NBEA: variants seen among roughly 807,000 people sequenced by gnomAD.
NBEA encodes the protein lysosomal-trafficking regulator 2.
In NBEA, 44 loss-of-function variants were observed where a neutral mutation model predicts 343.4. That is an observed-to-expected ratio of 0.13 (90% CI 0.10 to 0.16). The LOEUF is 0.16. Ranked by LOEUF, NBEA falls within the 10% of genes least tolerant of loss-of-function variation. The pLI, the probability that NBEA is intolerant of heterozygous loss-of-function variation, is 1.00. For synonymous variants in NBEA, 1,175 were observed against 1,238.7 expected, an observed-to-expected ratio of 0.95 and a Z score of 1.08; for missense variants, 2,555 against 3,631.3, an observed-to-expected ratio of 0.70 and a Z score of 7.62.
intron 8 of NBEA, among the ~76,000 whole-genome samples, chr13:35,065,219 G>A (rs2063607963): frequency 6.6e-6 from 1 of 151,814 alleles, no homozygotes; most frequent in Non-Finnish European, 1.5e-5. Flanking sequence ...ATACTTGAAA[G>A]CCATTTTGCC....
intron 58 of NBEA, among the ~76,000 whole-genome samples, chr13:35,670,232 C>T (rs200128610): frequency 6.6e-6 from 1 of 152,034 alleles, no homozygotes; most frequent in East Asian, 1.9e-4. Context: ...GAGGAATATC[C>T]CTGAAAAAGA....
At chr13:35,200,506 CTG>C (rs1018599893) in intron 31 of NBEA, among the ~76,000 whole-genome samples, 1 of 147,210 alleles carries the variant, frequency 6.8e-6, no homozygotes, top group Non-Finnish European at 1.5e-5. Flanking sequence ...ACATTTTTAA[CTG>C]TTAGTATGTT....
chr13:35,324,596 AAC>A (rs1381605264), intron 36 of NBEA, among the ~76,000 whole-genome samples: 3 of 152,218 alleles, frequency 2.0e-5, no homozygotes, highest in Non-Finnish European at 2.9e-5. Context: ...ATACTTAGAA[AAC>A]ACTCATTATG....
In NBEA at chr13:35,555,086, C is replaced by T. The variant is rs772264772; in HGVS notation, c.6906C>T (p.Phe2302=). ...TTTCAAACTTCGAATATTTGATGTT[C>T]CTTAATACTATTGCAGGTAAGATGT... is the stretch of plus-strand genomic sequence containing the variant. The part of the protein sequence containing the change: ...REISNFEYLM[F]LNTIAGRTYN... Residue 2302 remains phenylalanine, a synonymous_variant, in exon 44 of 59, where the codon TTC becomes TTT. Transcript: ENST00000379939. 1 of 1,587,756 alleles carries T rather than the reference C, an allele frequency of 6.3e-7. No individual in the cohort carries two copies. The highest frequency in any genetic ancestry group is 1.1e-5 in the South Asian group (1 of 89,862).
chr13:35,480,835 C>T (rs9544427), intron 41 of NBEA, among the ~76,000 whole-genome samples: 58,556 of 151,562 alleles, frequency 0.39, 11,577 homozygotes, highest in East Asian at 0.67. Context: ...TTTCTGGTAA[C>T]CTAATTTGAT....
intron 1 of NBEA, among the ~76,000 whole-genome samples, chr13:34,985,220 C>T (rs1210934347): frequency 1.3e-5 from 2 of 150,802 alleles, no homozygotes; most frequent in Non-Finnish European, 1.5e-5. Context: ...TCCATTAATA[C>T]CTATTTTATT....
At chr13:35,539,671 C>CT (rs11452100) in intron 41 of NBEA, among the ~76,000 whole-genome samples, 96,301 of 151,094 alleles carry the variant, frequency 0.64, 35,145 homozygotes, top group Non-Finnish European at 0.81. Context: ...AATACCAGCA[C>CT]TTTGGGAGGC....
chr13:35,334,924 T>C (rs1436494458), intron 36 of NBEA, among the ~76,000 whole-genome samples: 1 of 152,212 alleles, frequency 6.6e-6, no homozygotes, highest in Non-Finnish European at 1.5e-5. Flanking sequence ...CAAGAAATCA[T>C]TGGCCTGACC....
chr13:35,494,997 T>C (rs771018521), intron 41 of NBEA, among the ~76,000 whole-genome samples: 2 of 151,180 alleles, frequency 1.3e-5, no homozygotes, highest in Non-Finnish European at 3.0e-5. Context: ...GACAACAGAG[T>C]GAGACTCTGT....
intron 44 of NBEA, among the ~76,000 whole-genome samples, chr13:35,555,715 A>T (rs2079544351): frequency 6.6e-6 from 1 of 152,032 alleles, no homozygotes; most frequent in Non-Finnish European, 1.5e-5. Flanking sequence ...TTCTTAAGTT[A>T]AGCTCCAAAA....
At chr13:35,017,930 T>C (rs1212608446) in intron 1 of NBEA, among the ~76,000 whole-genome samples, 1 of 152,158 alleles carries the variant, frequency 6.6e-6, no homozygotes, top group Non-Finnish European at 1.5e-5. Flanking sequence ...AAAGTAAGGA[T>C]AAAAGTTCAT....
intron 48 of NBEA, among the ~76,000 whole-genome samples, chr13:35,624,313 T>A (rs1259876211): frequency 2.0e-5 from 3 of 152,094 alleles, no homozygotes; most frequent in Non-Finnish European, 4.4e-5. Context: ...AGTTTCAAAG[T>A]ATTACAGTTG....
chr13:35,498,018 AT>A (rs2152977867), intron 41 of NBEA, among the ~76,000 whole-genome samples: 1 of 152,152 alleles, frequency 6.6e-6, no homozygotes, highest in East Asian at 1.9e-4. Context: ...GATGTTTAAC[AT>A]TGGAGATCTT....
chr13:35,359,644 G>C lies in NBEA; in HGVS notation c.6179+7321G>C, dbSNP rs1594344443. Among the ~76,000 whole-genome samples the C allele has an allele frequency of 2.6e-5, 4 of 152,202 alleles. No individual in the cohort carries two copies. The South Asian group carries it at 8.3e-4, about 32-fold the overall frequency. ...TATTTCTGTGTTGAGGAAAAGCTAT[G>C]AGAGATCCTTTAACATGCATATTTC... On this transcript the variant is annotated intron_variant, in intron 38 of 58. Transcript: ENST00000379939.
At chr13:35,031,073 A>G (rs946509952) in intron 1 of NBEA, among the ~76,000 whole-genome samples, 1 of 151,680 alleles carries the variant, frequency 6.6e-6, no homozygotes, top group African/African-American at 2.4e-5. Context: ...AAAATTCTCC[A>G]ATACTCTACA....
At position 35,061,164 on chromosome 13, in the gene NBEA, G is replaced by T. The variant is rs182443284; in HGVS notation, c.1239+2301G>T. ...TATCACAAATGATTTTGACTTGCTG[G>T]TCACTGGAGTGCTAGGTAATTTTTG... On this transcript the variant is annotated intron_variant, in intron 8 of 58. Transcript: ENST00000379939. Among the ~76,000 whole-genome samples, 12 of 151,768 alleles carry T rather than the reference G, an allele frequency of 7.9e-5. No individual in the cohort carries two copies. In the East Asian group the frequency reaches 2.3e-3, roughly 29 times the overall value.
chr13:35,262,943 A>G (rs2033335926), intron 34 of NBEA, among the ~76,000 whole-genome samples: 2 of 152,306 alleles, frequency 1.3e-5, no homozygotes, highest in South Asian at 4.1e-4. Flanking sequence ...AAGTCCCAAT[A>G]ATGTGTTCTG....
chr13:35,112,150 C>G (rs988463946), intron 13 of NBEA, among the ~76,000 whole-genome samples: 14 of 150,470 alleles, frequency 9.3e-5, no homozygotes, highest in African/African-American at 3.2e-4. Context: ...ATCTCCTGAC[C>G]TCGTGATACA....
chr13:35,186,012 A>G (rs1371350550), intron 30 of NBEA: 3 of 152,130 alleles, frequency 2.0e-5, no homozygotes, highest in Non-Finnish European at 4.4e-5. Flanking sequence ...ACAATTTAAT[A>G]ATAATTATCG....
Sources: allele counts gnomAD v4.1 joint callset (sites outside exome capture counted in the v4.1 genomes callset), GRCh38; gene constraint gnomAD v4.1.1; transcripts MANE v1.5; gene names NCBI Gene and HGNC (gene_info 2026-07-23, HGNC 2026-07-21).